Variants in OR9Q1 observed in about 807,000 individuals in gnomAD.
OR9Q1 encodes the protein olfactory receptor 9Q1.
For synonymous variants in OR9Q1, 153 were observed against 148.6 expected (o/e 1.03, Z -0.22); for missense variants, 374 against 378.8 (o/e 0.99, Z 0.11).
chr11:58,170,562 T>A (rs147742201), intron 2 of OR9Q1, among the ~76,000 whole-genome samples: 3,235 of 152,290 alleles, frequency 0.021, 77 homozygotes, highest in African/African-American at 0.06. Context: ...TCCCCACCCA[T>A]ATCTCATCTT....
chr11:58,178,787 G>A (rs1417927438), intron 2 of OR9Q1, among the ~76,000 whole-genome samples: 1 of 151,304 alleles, frequency 6.6e-6, no homozygotes, highest in Non-Finnish European at 1.5e-5. Context: ...AACATGCTAA[G>A]ATGACTCTAT....
chr11:58,118,639 T>C lies in OR9Q1; in HGVS notation c.-14-60792T>C, dbSNP rs780629386. 9.3e-6 allele frequency: 15 copies of C among 1,613,790 alleles called. No individual in the cohort carries two copies. In the Admixed American group the frequency reaches 2.2e-4, roughly 23 times the overall value. On this transcript the variant is annotated intron_variant, in intron 2 of 2. Coordinates refer to ENST00000335397, the MANE Select transcript of OR9Q1 (RefSeq NM_001005212.4). ...GAAGACAGACACGACTTTGTCTTCCTCCAGAGATTTGCCTGAGCCACTTTG... is the reference window on the plus strand; with the variant it reads ...GAAGACAGACACGACTTTGTCTTCCCCCAGAGATTTGCCTGAGCCACTTTG...
intron 2 of OR9Q1, among the ~76,000 whole-genome samples, chr11:58,123,706 T>C (rs1338997626): frequency 2.0e-5 from 3 of 152,204 alleles, no homozygotes; most frequent in Non-Finnish European, 2.9e-5. Flanking sequence ...AAATTCTGTA[T>C]TCTTTCCATC....
rs1854661773 is a variant in OR9Q1, at chr11:58,181,139, C to G, written c.*762C>G. 6.0e-6 allele frequency: 1 copy of G among 167,158 alleles called. No homozygotes were observed. The highest frequency in any genetic ancestry group is 1.5e-5 in the Non-Finnish European group (1 of 68,104). 10.4% of individuals were successfully genotyped at this position (167,158 alleles called of 1,614,324 possible). On this transcript the variant is annotated 3_prime_UTR_variant, in exon 3 of 3. Coordinates refer to ENST00000335397, the MANE Select transcript of OR9Q1 (RefSeq NM_001005212.4). ...ATCACCTCTGGATATATGCCCTGTT[C>G]TTTTTCTTCCTACCTATTACAGTTC...
chr11:58,040,808 A>G (rs1590550113), intron 1 of OR9Q1: 1 of 152,232 alleles, frequency 6.6e-6, no homozygotes, highest in East Asian at 1.9e-4. Context: ...CCGGCCAAAC[A>G]TTTGGTCTTT....
chr11:58,155,681 A>T (rs1289548533), intron 2 of OR9Q1, among the ~76,000 whole-genome samples: 1 of 152,196 alleles, frequency 6.6e-6, no homozygotes, highest in East Asian at 1.9e-4. Flanking sequence ...ATATTGAACA[A>T]GTGGCACAAT....
chr11:58,027,202 C>T (rs901087548), intron 1 of OR9Q1, among the ~76,000 whole-genome samples: 2 of 152,164 alleles, frequency 1.3e-5, no homozygotes, highest in Admixed American at 1.3e-4. Flanking sequence ...ATCAGTTGTC[C>T]CCCGTCTCCC....
At chr11:58,149,578 T>C (rs1854330171) in intron 2 of OR9Q1, among the ~76,000 whole-genome samples, 1 of 152,204 alleles carries the variant, frequency 6.6e-6, no homozygotes, top group Non-Finnish European at 1.5e-5. Flanking sequence ...ACTTTTTTCA[T>C]CATCCCAAAC....
intron 2 of OR9Q1, among the ~76,000 whole-genome samples, chr11:58,100,235 A>G (rs969950450): frequency 2.6e-5 from 4 of 152,180 alleles, no homozygotes; most frequent in East Asian, 1.9e-4. Flanking sequence ...CTAACTCTCA[A>G]TGGAAGGATC....
At chr11:58,045,308 C>G (rs1369381073) in intron 1 of OR9Q1, 1 of 152,396 alleles carries the variant, frequency 6.6e-6, no homozygotes, top group Non-Finnish European at 1.5e-5. Context: ...TCTTGGCTCA[C>G]TGCAACCTCC....
At chr11:58,120,957 C>A (rs1214218182) in intron 2 of OR9Q1, among the ~76,000 whole-genome samples, 1 of 151,846 alleles carries the variant, frequency 6.6e-6, no homozygotes, top group Non-Finnish European at 1.5e-5. Context: ...TTATCCCATT[C>A]ATATGGGAAT....
chr11:58,118,905 G>T, intron 2 of OR9Q1: 1 of 1,614,020 alleles, frequency 6.2e-7, no homozygotes, highest in Admixed American at 1.7e-5. Context: ...GGGGTGGGAG[G>T]TCACAGAAGA....
chr11:58,152,227 GA>G (rs1441427884), intron 2 of OR9Q1, among the ~76,000 whole-genome samples: 1 of 152,126 alleles, frequency 6.6e-6, no homozygotes, highest in Non-Finnish European at 1.5e-5. Flanking sequence ...ATAAAGAATA[GA>G]AACTAATGAA....
At chr11:58,062,325 C>T (rs374110109) in intron 2 of OR9Q1, among the ~76,000 whole-genome samples, 3 of 152,124 alleles carry the variant, frequency 2.0e-5, no homozygotes, top group South Asian at 2.1e-4. Context: ...TTATAAAGGA[C>T]GGAAACACCC....
At chr11:58,060,164 G>A (rs1565064531) in intron 2 of OR9Q1, 2 of 152,190 alleles carry the variant, frequency 1.3e-5, no homozygotes, top group African/African-American at 2.4e-5. Context: ...AACAGCTTCC[G>A]ACTGTGGCTG....
chr11:58,060,872 A>T (rs908890500), intron 2 of OR9Q1, among the ~76,000 whole-genome samples: 11 of 152,128 alleles, frequency 7.2e-5, no homozygotes, highest in African/African-American at 2.7e-4. Flanking sequence ...AACCTGCCGT[A>T]CAGCCTTCCC....
intron 1 of OR9Q1, among the ~76,000 whole-genome samples, chr11:58,048,424 T>C (rs34300518): frequency 0.22 from 32,501 of 151,020 alleles, 4,066 homozygotes; most frequent in Middle Eastern, 0.38. Context: ...ATCCCAGCAC[T>C]TTAGCAGGCC....
intron 1 of OR9Q1, among the ~76,000 whole-genome samples, chr11:58,024,514 A>G (rs1189210618): frequency 6.6e-6 from 1 of 152,168 alleles, no homozygotes; most frequent in African/African-American, 2.4e-5. Flanking sequence ...GCAAATAGCT[A>G]CAGGAACCAA....
At chr11:58,037,084 A>G (rs1368750170) in intron 1 of OR9Q1, among the ~76,000 whole-genome samples, 2 of 152,242 alleles carry the variant, frequency 1.3e-5, no homozygotes, top group Non-Finnish European at 2.9e-5. Flanking sequence ...TTGTTTTAAT[A>G]AAGCCACCTC....
Sources: gnomAD v4.1 joint callset for allele counts (sites outside exome capture counted in the v4.1 genomes callset) on GRCh38, gnomAD v4.1.1 for gene constraint, MANE v1.5 for transcripts, NCBI Gene and HGNC (gene_info 2026-07-23, HGNC 2026-07-21) for gene names.